KLHL32: variants seen among roughly 807,000 people sequenced by gnomAD.
KLHL32 encodes the protein kelch-like protein 32.
Under a neutral mutation model 64.8 loss-of-function variants are expected in KLHL32, and 35 were observed. The observed-to-expected ratio is 0.54, with a 90% CI of 0.41 to 0.72. The LOEUF (loss-of-function observed/expected upper bound fraction) is 0.72. KLHL32 is among the 30% of genes least tolerant of loss of function. The pLI is 0.00. For synonymous variants in KLHL32, 259 were observed against 281.0 expected, an observed-to-expected ratio of 0.92 and a Z score of 0.78; for missense variants, 589 against 768.5, an observed-to-expected ratio of 0.77 and a Z score of 2.76.
At chr6:97,053,229 T>C (rs1385788956) in intron 4 of KLHL32, among the ~76,000 whole-genome samples, 1 of 152,164 alleles carries the variant, frequency 6.6e-6, no homozygotes. Context: ...GCAGAGAAGA[T>C]AATAAGTAAC....
intron 6 of KLHL32, among the ~76,000 whole-genome samples, chr6:97,106,742 CAAAAA>C (rs113362615): frequency 3.4e-5 from 4 of 118,666 alleles, no homozygotes; most frequent in Non-Finnish European, 7.3e-5. Context: ...GACCCTGTCT[CAAAAA>C]AAAAAAAAAT....
Position 97,114,027 on chromosome 6 carries a change from T to C in KLHL32, c.872T>C (p.Leu291Pro). The part of the protein sequence containing the change: ...RTKPRFQSDT[L>P]YIIGGKKREV... ...AAACCACGATTCCAGTCAGACACTCTGTATATCATTGGTGGGAAAAAGCGC... is the reference window on the plus strand; with the variant it reads ...AAACCACGATTCCAGTCAGACACTCCGTATATCATTGGTGGGAAAAAGCGC... Residue 291 changes from leucine to proline, a missense_variant, in exon 7 of 11, where the codon CTG (leucine) becomes CCG (proline). Physicochemically the swap from Leu to Pro is moderately conservative, Grantham distance 98. Transcript: ENST00000369261. 3 of 1,614,166 alleles carry C rather than the reference T, an allele frequency of 1.9e-6. No individual in the cohort carries two copies. Among genetic ancestry groups the C allele is most frequent in the Admixed American group, 1.7e-5 (1 of 60,018 alleles).
chr6:96,909,315 T>A, the KLHL32 span, among the ~76,000 whole-genome samples: 2 of 152,206 alleles, frequency 1.3e-5, no homozygotes, highest in African/African-American at 2.4e-5. Flanking sequence ...TAAAATTAAC[T>A]GCTCTGTTCT....
intron 3 of KLHL32, among the ~76,000 whole-genome samples, chr6:96,982,496 A>C (rs1035795485): frequency 2.0e-5 from 3 of 152,094 alleles, no homozygotes; most frequent in Non-Finnish European, 2.9e-5. Context: ...TCTTTCCTTT[A>C]TCAAACTTGC....
chr6:97,033,583 T>TG (rs1359256888), intron 3 of KLHL32, among the ~76,000 whole-genome samples: 8 of 151,990 alleles, frequency 5.3e-5, no homozygotes, highest in African/African-American at 1.7e-4. Context: ...TCTTTTTAAA[T>TG]TTTTTTTAGT....
chr6:97,104,190 T>C (rs1796102357), intron 6 of KLHL32, among the ~76,000 whole-genome samples: 1 of 152,236 alleles, frequency 6.6e-6, no homozygotes, highest in Non-Finnish European at 1.5e-5. Context: ...TTGTTATTGT[T>C]ATAAGATTGA....
intron 7 of KLHL32, among the ~76,000 whole-genome samples, chr6:97,117,302 A>C (rs1215859509): frequency 6.6e-6 from 1 of 152,176 alleles, no homozygotes; most frequent in Non-Finnish European, 1.5e-5. Context: ...ATGGGAATTG[A>C]ATCATTGGCA....
intron 3 of KLHL32, among the ~76,000 whole-genome samples, chr6:96,988,361 C>G (rs1275353002): frequency 1.3e-5 from 2 of 152,266 alleles, no homozygotes; most frequent in African/African-American, 2.4e-5. Flanking sequence ...AAATGCTCAT[C>G]ATCACTGGCC....
At chr6:97,099,415 T>C (rs1190827728) in intron 6 of KLHL32, among the ~76,000 whole-genome samples, 1 of 152,272 alleles carries the variant, frequency 6.6e-6, no homozygotes, top group Admixed American at 6.5e-5. Flanking sequence ...TGATAAAGAA[T>C]GTTTCAGACC....
intron 3 of KLHL32, among the ~76,000 whole-genome samples, chr6:97,028,965 T>G (rs1057453795): frequency 1.5e-4 from 23 of 152,216 alleles, no homozygotes; most frequent in Non-Finnish European, 5.9e-5. Flanking sequence ...CATAGGGATC[T>G]GAGAGGGCAA....
Position 96,932,660 on chromosome 6 carries a change from G to A in KLHL32, c.-66+7634G>A, listed in dbSNP as rs559542243. ...CAGCTCATTGCAGACTTAATCTCCC[G>A]GGCTCAAGCAATCCTACCACCTCAG... On this transcript the variant is annotated intron_variant, in intron 1 of 10. Coordinates refer to ENST00000369261, the MANE Select transcript of KLHL32 (RefSeq NM_052904.4). 1.5e-4 allele frequency among the ~76,000 whole-genome samples: 22 copies of A among 146,520 alleles called. No homozygotes were observed. In the East Asian group the frequency reaches 3.5e-3, roughly 23 times the overall value.
chr6:97,051,843 C>A (rs538263755), intron 4 of KLHL32, among the ~76,000 whole-genome samples: 12 of 152,062 alleles, frequency 7.9e-5, no homozygotes, highest in African/African-American at 2.7e-4. Flanking sequence ...AACTTTTTCT[C>A]TTATTGAGAA....
In KLHL32 at chr6:96,994,588, G is replaced by T. The variant is rs533582612; in HGVS notation, c.204+18411G>T. 19 of 985,338 alleles carry T rather than the reference G, an allele frequency of 1.9e-5. 2 individuals are homozygous for T. The South Asian group carries it at 7.0e-4, about 37-fold the overall frequency. The allele number at this position is 985,338 out of a possible 1,614,324, so 61.0% of individuals were successfully genotyped here. A position where few individuals can be genotyped will look rare whatever the true frequency, so the allele number is the denominator to read the frequency against. Reference sequence around the variant, plus strand: ...GAGTAAGAAGGCCGAAGCTTTGATGGATCTTTTCCTTTATATTGGTCTGTG... The same window carrying T: ...GAGTAAGAAGGCCGAAGCTTTGATGTATCTTTTCCTTTATATTGGTCTGTG... On this transcript the variant is annotated intron_variant, in intron 3 of 10. Coordinates refer to ENST00000369261, the MANE Select transcript of KLHL32 (RefSeq NM_052904.4).
intron 1 of KLHL32, among the ~76,000 whole-genome samples, chr6:96,963,839 C>T (rs1363668831): frequency 2.6e-5 from 4 of 152,178 alleles, no homozygotes; most frequent in Non-Finnish European, 5.9e-5. Context: ...AGGACAGGGC[C>T]TACTTGAAAA....
chr6:97,114,116 G>C lies in KLHL32; in HGVS notation c.961G>C (p.Ala321Pro), dbSNP rs878996408. 1 of 1,614,214 alleles carries C rather than the reference G, an allele frequency of 6.2e-7. No individual in the cohort carries two copies. Residue 321 changes from alanine (A) to proline (P), a missense_variant, in exon 7 of 11, where the codon GCT (alanine) becomes CCT (proline). Physicochemically the swap from Ala to Pro is conservative, Grantham distance 27 (BLOSUM62 -1). This residue lies in a region of KLHL32 where 226 missense variants were observed against 353.2 expected (regional missense o/e 0.64). Coordinates refer to ENST00000369261, the MANE Select transcript of KLHL32 (RefSeq NM_052904.4). ...TGTTGATCAGGAGAATGCTCTCATA[G>C]CTGCCATTGCCAACTGGAGTGAGCT... Reference protein sequence around the residue: ...NPVDQENALIAAIANWSELAP... With the variant: ...NPVDQENALIPAIANWSELAP...
chr6:96,947,629 G>T (rs1036739336), intron 1 of KLHL32, among the ~76,000 whole-genome samples: 1 of 152,086 alleles, frequency 6.6e-6, no homozygotes, highest in African/African-American at 2.4e-5. Context: ...GAGTACAGAT[G>T]GGAAGGTATA....
At chr6:96,905,212 C>A in the KLHL32 span, among the ~76,000 whole-genome samples, 1 of 152,178 alleles carries the variant, frequency 6.6e-6, no homozygotes, top group Non-Finnish European at 1.5e-5. Context: ...AAAGAACAAG[C>A]AAATACTCAA....
chr6:97,118,684 AG>A (rs1467087512), intron 7 of KLHL32, among the ~76,000 whole-genome samples: 1 of 151,752 alleles, frequency 6.6e-6, no homozygotes, highest in Non-Finnish European at 1.5e-5. Context: ...GCAGAGGCTG[AG>A]TTGTGGTGCA....
intron 3 of KLHL32, among the ~76,000 whole-genome samples, chr6:97,023,912 C>T (rs1416432229): frequency 6.6e-6 from 1 of 152,116 alleles, no homozygotes; most frequent in African/African-American, 2.4e-5. Flanking sequence ...TTGTCTTGTC[C>T]TAAAGCAATT....
Sources: allele counts gnomAD v4.1 joint callset (sites outside exome capture counted in the v4.1 genomes callset), GRCh38; gene constraint gnomAD v4.1.1; regional missense constraint gnomAD v4.1.1; transcripts MANE v1.5; gene names NCBI Gene and HGNC (gene_info 2026-07-23, HGNC 2026-07-21).